RBMS3: variants seen among roughly 807,000 people sequenced by gnomAD.
The protein encoded by RBMS3 is RNA-binding motif, single-stranded-interacting protein 3.
In RBMS3, 27 loss-of-function variants were observed where a neutral mutation model predicts 66.8. The observed-to-expected ratio is 0.40, with a 90% CI of 0.30 to 0.56. The LOEUF is 0.56. Ranked by LOEUF, RBMS3 falls within the 20% of genes least tolerant of loss-of-function variation. The pLI is 0.40. For missense variants in RBMS3, 513 were observed against 549.5 expected (o/e 0.93, Z 0.66); for synonymous variants, 188 against 183.0 (o/e 1.03, Z -0.22).
chr3:29,869,106 A>G (rs2059428557), intron 7 of RBMS3, 142 bp downstream of exon 7: 1 of 638,692 alleles, frequency 1.6e-6, no homozygotes, highest in Non-Finnish European at 2.7e-6. Context: ...GAGCAGACCC[A>G]TGTTAATGTG....
At chr3:29,691,462 C>A (rs1047238388) in intron 4 of RBMS3, among the ~76,000 whole-genome samples, 2 of 152,168 alleles carry the variant, frequency 1.3e-5, no homozygotes, top group African/African-American at 2.4e-5. Flanking sequence ...TGGTACTTCT[C>A]TTTTCATGAC....
intron 4 of RBMS3, among the ~76,000 whole-genome samples, chr3:29,685,282 C>G (rs1358493174): frequency 1.3e-5 from 2 of 152,056 alleles, no homozygotes; most frequent in Non-Finnish European, 2.9e-5. Context: ...AGGATGGTCT[C>G]CATCTCCTGA....
intron 2 of RBMS3, among the ~76,000 whole-genome samples, chr3:29,480,831 A>G (rs923846893): frequency 6.6e-6 from 1 of 152,202 alleles, no homozygotes; most frequent in Non-Finnish European, 1.5e-5. Flanking sequence ...GGGAAAAAGC[A>G]TGTACATTTC....
rs186372227 is a variant in RBMS3, at chr3:29,442,937, T to A, written c.248+8022T>A. On this transcript the variant is annotated intron_variant, in intron 2 of 14. Coordinates refer to ENST00000383767, the MANE Select transcript of RBMS3 (RefSeq NM_001003793.3). ...AGTTTTCTGGAGATTGGACCCCTCTTTTCACTCTATAAACTGTCTGCTCTT... is the reference window on the plus strand; with the variant it reads ...AGTTTTCTGGAGATTGGACCCCTCTATTCACTCTATAAACTGTCTGCTCTT... 2.1e-3 allele frequency among the ~76,000 whole-genome samples: 319 copies of A among 152,204 alleles called. 2 individuals are homozygous for A. The highest frequency in any genetic ancestry group is 3.5e-3 in the Non-Finnish European group (239 of 67,992).
At chr3:29,508,359 A>G (rs1349165555) in intron 3 of RBMS3, among the ~76,000 whole-genome samples, 2 of 151,910 alleles carry the variant, frequency 1.3e-5, no homozygotes, top group African/African-American at 4.8e-5. Flanking sequence ...CTATCCCTCC[A>G]CTTGCCAACA....
intron 14 of RBMS3, among the ~76,000 whole-genome samples, chr3:29,999,057 C>T (rs567291565): frequency 2.4e-4 from 37 of 151,658 alleles, no homozygotes; most frequent in African/African-American, 8.7e-4. Flanking sequence ...CTACAATGAA[C>T]TCAAACTAGA....
chr3:29,657,027 G>C (rs1046404851), intron 4 of RBMS3, among the ~76,000 whole-genome samples: 1 of 152,198 alleles, frequency 6.6e-6, no homozygotes, highest in Non-Finnish European at 1.5e-5. Flanking sequence ...ATAGGTGGAA[G>C]ATGATTATGA....
At chr3:29,470,907 C>T (rs1429419168) in intron 2 of RBMS3, among the ~76,000 whole-genome samples, 1 of 151,928 alleles carries the variant, frequency 6.6e-6, no homozygotes, top group Non-Finnish European at 1.5e-5. Flanking sequence ...TATAAACCAC[C>T]CAGTGAATGG....
chr3:29,804,354 A>G (rs949332820), intron 6 of RBMS3, among the ~76,000 whole-genome samples: 1 of 152,036 alleles, frequency 6.6e-6, no homozygotes, highest in African/African-American at 2.4e-5. Context: ...ATAGGCCCAA[A>G]TAATTTATAA....
intron 1 of RBMS3, among the ~76,000 whole-genome samples, chr3:29,407,098 G>C (rs766734951): frequency 1.3e-5 from 2 of 152,182 alleles, no homozygotes; most frequent in Non-Finnish European, 2.9e-5. Flanking sequence ...TAGAATCAAT[G>C]TACATTCCAA....
chr3:29,782,104 T>A (rs1396826069), intron 6 of RBMS3, among the ~76,000 whole-genome samples: 1 of 152,142 alleles, frequency 6.6e-6, no homozygotes, highest in African/African-American at 2.4e-5. Flanking sequence ...TCTATGGCCC[T>A]GCACACTGCC....
At chr3:29,973,953 A>G (rs1697390293) in intron 12 of RBMS3, among the ~76,000 whole-genome samples, 1 of 151,882 alleles carries the variant, frequency 6.6e-6, no homozygotes. Context: ...AGTAAAAGAT[A>G]GTAATCACTG....
At chr3:29,390,098 G>GA (rs1428097344) in intron 1 of RBMS3, among the ~76,000 whole-genome samples, 2 of 152,142 alleles carry the variant, frequency 1.3e-5, no homozygotes, top group East Asian at 1.9e-4. Context: ...CCACTCCTGT[G>GA]AAAAACATCA....
At chr3:29,502,306 C>G (rs772768740) in intron 3 of RBMS3, among the ~76,000 whole-genome samples, 1 of 152,034 alleles carries the variant, frequency 6.6e-6, no homozygotes, top group African/African-American at 2.4e-5. Flanking sequence ...TGAAATGTGT[C>G]AAACATCAAA....
At chr3:29,795,286 C>T (rs1190295706) in intron 6 of RBMS3, among the ~76,000 whole-genome samples, 1 of 152,096 alleles carries the variant, frequency 6.6e-6, no homozygotes, top group East Asian at 1.9e-4. Flanking sequence ...AGCCAGTAAC[C>T]CTGGGAAATT....
rs148916061 is a variant in RBMS3 at position 29,599,300 on chromosome 3, C to T, written c.399+12095C>T. Reference sequence around the variant, plus strand: ...TAAATGCTTGAGGGGATGGATACCCCATTCTCCATGATGTGCTTATTTCAC... The same window carrying T: ...TAAATGCTTGAGGGGATGGATACCCTATTCTCCATGATGTGCTTATTTCAC... On this transcript the variant is annotated intron_variant, in intron 4 of 14. Coordinates refer to ENST00000383767, the MANE Select transcript of RBMS3 (RefSeq NM_001003793.3). 8.2e-3 allele frequency among the ~76,000 whole-genome samples: 1,245 copies of T among 151,344 alleles called. 20 individuals carry two copies. The highest frequency in any genetic ancestry group is 0.029 in the African/African-American group (1,190 of 41,290).
At chr3:29,699,378 C>T (rs1170464606) in intron 4 of RBMS3, among the ~76,000 whole-genome samples, 5 of 152,132 alleles carry the variant, frequency 3.3e-5, no homozygotes, top group African/African-American at 1.2e-4. Context: ...AACTCCTGAC[C>T]TCAGGTAATC....
intron 1 of RBMS3, among the ~76,000 whole-genome samples, chr3:29,332,276 G>A (rs938571988): frequency 6.6e-6 from 1 of 151,888 alleles, no homozygotes; most frequent in Non-Finnish European, 1.5e-5. Flanking sequence ...AGGAAGTGAT[G>A]CATTTGGAGA....
intron 3 of RBMS3, among the ~76,000 whole-genome samples, chr3:29,565,468 G>C (rs2046708652): frequency 6.6e-6 from 1 of 152,054 alleles, no homozygotes; most frequent in Non-Finnish European, 1.5e-5. Context: ...CCTTGATCTT[G>C]GTATTTTTTG....
Sources: allele counts gnomAD v4.1 joint callset (sites outside exome capture counted in the v4.1 genomes callset), GRCh38; gene constraint gnomAD v4.1.1; transcripts MANE v1.5; gene names NCBI Gene and HGNC (gene_info 2026-07-23, HGNC 2026-07-21).